DKK3: variants seen among roughly 807,000 people sequenced by gnomAD.
DKK3 encodes dickkopf-related protein 3.
A neutral mutation model predicts 33.2 loss-of-function variants in DKK3; 22 were observed. That is an observed-to-expected ratio of 0.66 (90% CI 0.47 to 0.95). The LOEUF is 0.95. Among genes scored for constraint, DKK3 ranks in the 40% least tolerant of loss-of-function variants. The pLI is 0.00. For missense variants in DKK3, 398 were observed against 458.4 expected, an observed-to-expected ratio of 0.87 and a Z score of 1.20; for synonymous variants, 194 against 188.8, an observed-to-expected ratio of 1.03 and a Z score of -0.23.
At position 11,969,735 on chromosome 11, in the gene DKK3, A is replaced by C. The variant is rs1169072191; in HGVS notation, c.436-1248T>G. Among the ~76,000 whole-genome samples the C allele has an allele frequency of 2.6e-5, 4 of 152,042 alleles. No individual in the cohort carries two copies. In the East Asian group the frequency reaches 7.8e-4, roughly 29 times the overall value. ...GAAGAGCCTGGCCGGGCAGGCCTGG[A>C]CCTCCGGCAGCTGCCTCCAGTCCCC... On this transcript the variant is annotated intron_variant, in intron 3 of 6. Coordinates refer to ENST00000683431, the MANE Select transcript of DKK3 (RefSeq NM_001018057.2).
chr11:11,980,959 A>T (rs999275740), intron 3 of DKK3, among the ~76,000 whole-genome samples: 1 of 152,134 alleles, frequency 6.6e-6, no homozygotes, highest in Non-Finnish European at 1.5e-5. Context: ...CAAGACCTGC[A>T]CTGAAATCAC....
chr11:11,968,847 G>A lies in DKK3; in HGVS notation c.436-360C>T, dbSNP rs1434151018. 9 of 166,308 alleles carry A rather than the reference G, an allele frequency of 5.4e-5. No individual in the cohort carries two copies. In the East Asian group the frequency reaches 1.3e-3, roughly 25 times the overall value. 10.3% of individuals were successfully genotyped at this position (166,308 alleles called of 1,614,324 possible). A position where few individuals can be genotyped will look rare whatever the true frequency, so the allele number is the denominator to read the frequency against. ...AATAAAAAGTGCTAATGAGGTCCAG[G>A]CCCGCCCGACTGCACAGGAAAGGCT... On this transcript the variant is annotated intron_variant, in intron 3 of 6. Transcript: ENST00000683431.
chr11:11,995,919 C>T (rs111733287), intron 3 of DKK3, among the ~76,000 whole-genome samples: 14 of 152,220 alleles, frequency 9.2e-5, no homozygotes, highest in African/African-American at 2.9e-4. Context: ...GCACATACTG[C>T]GTGCAATTTC....
chr11:12,009,477 A>C (rs61871900), upstream of DKK3: 25,316 of 900,496 alleles, frequency 0.028, 558 homozygotes, highest in South Asian at 0.11. Flanking sequence ...CCCACGCCCC[A>C]CGCCCTCCTC....
At chr11:11,998,429 C>T (rs892134382) in intron 3 of DKK3, 1 of 557,130 alleles carries the variant, frequency 1.8e-6, no homozygotes, top group Middle Eastern at 4.9e-4. Flanking sequence ...CTTGCTTGTA[C>T]CCCTTTCAAA....
At chr11:11,977,213 C>A (rs1404734555) in intron 3 of DKK3, among the ~76,000 whole-genome samples, 3 of 152,154 alleles carry the variant, frequency 2.0e-5, no homozygotes, top group African/African-American at 7.2e-5. Flanking sequence ...CTGCTCCTAA[C>A]CCTTTAGTGC....
chr11:11,981,244 T>C (rs1261479897), intron 3 of DKK3, among the ~76,000 whole-genome samples: 1 of 152,130 alleles, frequency 6.6e-6, no homozygotes, highest in Non-Finnish European at 1.5e-5. Context: ...CAAGCCACCA[T>C]ATTGTGAGGA....
At chr11:11,975,112 A>T (rs1426408208) in intron 3 of DKK3, among the ~76,000 whole-genome samples, 1 of 152,178 alleles carries the variant, frequency 6.6e-6, no homozygotes, top group African/African-American at 2.4e-5. Context: ...CCGTGACAGA[A>T]TAGATTCCTG....
Position 11,979,345 on chromosome 11 carries a change from G to A in DKK3, c.436-10858C>T, listed in dbSNP as rs142394541. Among the ~76,000 whole-genome samples, 595 of 152,326 alleles carry A rather than the reference G, an allele frequency of 3.9e-3. 6 individuals are homozygous for A. The highest frequency in any genetic ancestry group is 0.014 in the African/African-American group (570 of 41,576). The stretch of plus-strand genomic sequence containing the variant: ...CTGCAAACCCCGCGGGACCTACAGC[G>A]TCTGGATGCAGAGCAGGAGAGCCAG... On this transcript the variant is annotated intron_variant, in intron 3 of 6. Coordinates refer to ENST00000683431, the MANE Select transcript of DKK3 (RefSeq NM_001018057.2).
chr11:11,966,438 G>C (rs1847596291), intron 5 of DKK3, among the ~76,000 whole-genome samples: 1 of 152,188 alleles, frequency 6.6e-6, no homozygotes, highest in African/African-American at 2.4e-5. Context: ...AGCTGCTGCA[G>C]GTCCCAGGGG....
intron 3 of DKK3, among the ~76,000 whole-genome samples, chr11:11,991,266 T>A (rs1403206212): frequency 6.6e-6 from 1 of 152,172 alleles, no homozygotes; most frequent in African/African-American, 2.4e-5. Flanking sequence ...TCAATTAGTG[T>A]CAGATATAGT....
At chr11:12,006,116 T>C (rs1245538560) in intron 1 of DKK3, among the ~76,000 whole-genome samples, 2 of 152,228 alleles carry the variant, frequency 1.3e-5, no homozygotes, top group Non-Finnish European at 2.9e-5. Context: ...AACCCCATTT[T>C]AGGCAGTCAG....
chr11:11,968,990 C>T (rs541047031), intron 3 of DKK3, among the ~76,000 whole-genome samples: 15 of 152,292 alleles, frequency 9.8e-5, no homozygotes, highest in Admixed American at 4.6e-4. Flanking sequence ...CCTCAGGGTC[C>T]TGGGTCTAGG....
intron 3 of DKK3, among the ~76,000 whole-genome samples, chr11:11,992,260 C>T (rs1344316275): frequency 6.6e-6 from 1 of 152,130 alleles, no homozygotes; most frequent in Non-Finnish European, 1.5e-5. Flanking sequence ...ATGGAAGGTA[C>T]TGTTATTAAG....
chr11:11,993,443 A>C (rs1389782923), intron 3 of DKK3, among the ~76,000 whole-genome samples: 1 of 152,034 alleles, frequency 6.6e-6, no homozygotes, highest in Non-Finnish European at 1.5e-5. Flanking sequence ...TTAACTCCAA[A>C]GTATTTTGAT....
intron 3 of DKK3, among the ~76,000 whole-genome samples, chr11:11,968,935 C>T (rs1847663803): frequency 6.6e-6 from 1 of 152,214 alleles, no homozygotes; most frequent in South Asian, 2.1e-4. Context: ...GGGGGCATCG[C>T]TAGGGACCCT....
chr11:11,974,413 T>C (rs963766484), intron 3 of DKK3, among the ~76,000 whole-genome samples: 1 of 152,178 alleles, frequency 6.6e-6, no homozygotes, highest in Non-Finnish European at 1.5e-5. Flanking sequence ...TATTGGCTCA[T>C]GGTTCTGCAG....
Position 12,008,542 on chromosome 11 carries a change from G to A in DKK3, c.41C>T (p.Ala14Val), listed in dbSNP as rs1177135659. 3.2e-6 allele frequency: 5 copies of A among 1,544,854 alleles called. No homozygotes were observed. The highest frequency in any genetic ancestry group is 1.4e-5 in the African/African-American group (1 of 73,300). Residue 14 changes from alanine to valine, a missense_variant, in exon 1 of 7, where the codon GCG (alanine) becomes GTG (valine). Coordinates refer to ENST00000683431, the MANE Select transcript of DKK3 (RefSeq NM_001018057.2). The surrounding 1 kb of genome is among the most constrained non-coding windows in gnomAD (Gnocchi z 4.6). ...LGATLLCLLLAAAVPTAPAPA... is the reference protein window; with the variant it reads ...LGATLLCLLLVAAVPTAPAPA... ...CGCGGGGGCCGTGGGGACCGCCGCC[G>A]CCAGCAGCAGGCACAGCAGGGTGGC...
chr11:12,004,237 T>A (rs1848492455), intron 1 of DKK3, among the ~76,000 whole-genome samples: 1 of 152,216 alleles, frequency 6.6e-6, no homozygotes. Context: ...CTGATAATAC[T>A]GAGCTTCTCA....
Sources: allele counts gnomAD v4.1 joint callset (sites outside exome capture counted in the v4.1 genomes callset), GRCh38; gene constraint gnomAD v4.1.1; non-coding constraint Gnocchi (gnomAD v3.1); transcripts MANE v1.5; gene names NCBI Gene and HGNC (gene_info 2026-07-23, HGNC 2026-07-21).